Variants in ADAMTS12 observed in about 807,000 individuals in gnomAD.
The protein encoded by ADAMTS12 is A disintegrin and metalloproteinase with thrombospondin motifs 12.
ADAMTS12 carries 118 observed loss-of-function variants against 167.8 expected under a neutral mutation model. That is an observed-to-expected ratio of 0.70 (90% CI 0.61 to 0.82). The LOEUF (loss-of-function observed/expected upper bound fraction) is 0.82. Among genes scored for constraint, ADAMTS12 ranks in the 40% least tolerant of loss-of-function variants. The probability of loss-of-function intolerance (pLI) is 0.00; values close to 1 mark genes in which losing one functional copy is unlikely to be tolerated. For synonymous variants in ADAMTS12, 704 were observed against 716.9 expected, an observed-to-expected ratio of 0.98 and a Z score of 0.29; for missense variants, 1,916 against 1,998.8, an observed-to-expected ratio of 0.96 and a Z score of 0.79.
At chr5:33,583,844 C>T (rs187694828) in intron 18 of ADAMTS12, among the ~76,000 whole-genome samples, 26 of 152,096 alleles carry the variant, frequency 1.7e-4, no homozygotes, top group African/African-American at 3.1e-4. Context: ...TTTTTTCCTG[C>T]GCTTTTGAAG....
At chr5:33,824,137 A>T (rs1747971092) in intron 2 of ADAMTS12, among the ~76,000 whole-genome samples, 1 of 152,200 alleles carries the variant, frequency 6.6e-6, no homozygotes, top group Non-Finnish European at 1.5e-5. Context: ...ATAATAATAG[A>T]TCATAACAAG....
At chr5:33,791,192 T>C (rs1746554344) in intron 2 of ADAMTS12, among the ~76,000 whole-genome samples, 1 of 152,162 alleles carries the variant, frequency 6.6e-6, no homozygotes, top group Admixed American at 6.5e-5. Flanking sequence ...AAGAATTAGA[T>C]GTCTGGTAGT....
At chr5:33,649,720 A>T in intron 7 of ADAMTS12, 23 bp from the exon 8 acceptor site, 1 of 1,611,736 alleles carries the variant, frequency 6.2e-7, no homozygotes, top group Non-Finnish European at 8.5e-7. Context: ...AACCAAGCAC[A>T]AGAAGAGCCA....
intron 2 of ADAMTS12, among the ~76,000 whole-genome samples, chr5:33,876,099 T>C (rs1023886739): frequency 1.7e-4 from 26 of 152,106 alleles, no homozygotes; most frequent in Admixed American, 1.5e-3. Context: ...AAAACACATA[T>C]AGAGCTAGGA....
intron 20 of ADAMTS12, among the ~76,000 whole-genome samples, chr5:33,559,933 A>C (rs547447327): frequency 1.3e-5 from 2 of 152,318 alleles, no homozygotes; most frequent in East Asian, 3.9e-4. Context: ...GTACGCTTTT[A>C]AAGAACAAAT....
Position 33,526,967 on chromosome 5 carries a change from GCTATTT to G in ADAMTS12, c.*215_*220del. The G allele has an allele frequency of 1.8e-6, 1 of 540,814 alleles. No homozygotes were observed. The highest frequency in any genetic ancestry group is 2.7e-5 in the South Asian group (1 of 37,490). 33.5% of individuals were successfully genotyped at this position (540,814 alleles called of 1,614,324 possible). A position where few individuals can be genotyped will look rare whatever the true frequency, so the allele number is the denominator to read the frequency against. On this transcript the variant is annotated 3_prime_UTR_variant, in exon 24 of 24. Coordinates refer to ENST00000504830, the MANE Select transcript of ADAMTS12 (RefSeq NM_030955.4). The stretch of plus-strand genomic sequence containing the variant: ...TACCAGGTGCTGCCTGATTCTCCTA[GCTATTT>G]CACCTTCCTATCAGGGAGCAGCAAG...
Position 33,724,664 on chromosome 5 carries a change from G to A in ADAMTS12, c.634+26740C>T, listed in dbSNP as rs545016070. Among the ~76,000 whole-genome samples the A allele has an allele frequency of 7.3e-5, 11 of 151,536 alleles. No homozygotes were observed. The South Asian group carries it at 2.1e-3, about 29-fold the overall frequency. ...CCTCCCGGGTTCACGCCATTCTCCT[G>A]TCTCAGCCTCTTGAGTAGCTGGGAT... On this transcript the variant is annotated intron_variant, in intron 3 of 23. Transcript: ENST00000504830.
At chr5:33,781,468 G>A (rs941553577) in intron 2 of ADAMTS12, among the ~76,000 whole-genome samples, 2 of 152,106 alleles carry the variant, frequency 1.3e-5, no homozygotes, top group Non-Finnish European at 2.9e-5. Flanking sequence ...CCTTGAGGAT[G>A]GCCATGTGAC....
At chr5:33,763,926 C>G (rs1745441353) in intron 2 of ADAMTS12, among the ~76,000 whole-genome samples, 1 of 152,098 alleles carries the variant, frequency 6.6e-6, no homozygotes. Flanking sequence ...ATGGCTGAGT[C>G]TCAGACTTTT....
At chr5:33,539,164 A>T (rs1327954597) in intron 22 of ADAMTS12, among the ~76,000 whole-genome samples, 1 of 151,498 alleles carries the variant, frequency 6.6e-6, no homozygotes. Flanking sequence ...CTGGTCTTGA[A>T]CTCCTGACCT....
chr5:33,826,761 C>G (rs2548029), intron 2 of ADAMTS12, among the ~76,000 whole-genome samples: 60,681 of 151,724 alleles, frequency 0.4, 12,428 homozygotes, highest in Non-Finnish European at 0.46. Context: ...AAACAATAAG[C>G]ACTAAAACAA....
intron 3 of ADAMTS12, among the ~76,000 whole-genome samples, chr5:33,688,988 A>G (rs1463543687): frequency 1.3e-5 from 2 of 152,086 alleles, no homozygotes; most frequent in African/African-American, 4.8e-5. Flanking sequence ...TCCAGCCTAC[A>G]CTGCAGCTTC....
chr5:33,537,673 C>T (rs537134068), intron 22 of ADAMTS12, among the ~76,000 whole-genome samples: 1 of 152,320 alleles, frequency 6.6e-6, no homozygotes, highest in East Asian at 1.9e-4. Context: ...TTGTATCCTT[C>T]TACACAGCTA....
At chr5:33,558,539 A>G (rs1745587565) in intron 20 of ADAMTS12, among the ~76,000 whole-genome samples, 1 of 152,162 alleles carries the variant, frequency 6.6e-6, no homozygotes, top group Non-Finnish European at 1.5e-5. Flanking sequence ...GAGAGACCCT[A>G]TAGGCCAGGC....
At chr5:33,797,297 G>C (rs1355164717) in intron 2 of ADAMTS12, among the ~76,000 whole-genome samples, 1 of 152,100 alleles carries the variant, frequency 6.6e-6, no homozygotes, top group East Asian at 1.9e-4. Context: ...CCTATAAAAT[G>C]GGAGGATATG....
At chr5:33,887,209 A>G (rs1196283916) in intron 1 of ADAMTS12, among the ~76,000 whole-genome samples, 1 of 152,232 alleles carries the variant, frequency 6.6e-6, no homozygotes, top group Non-Finnish European at 1.5e-5. Context: ...TCTATGGTCA[A>G]GTACTACATT....
intron 3 of ADAMTS12, among the ~76,000 whole-genome samples, chr5:33,730,887 C>A (rs543136732): frequency 1.3e-5 from 2 of 152,306 alleles, no homozygotes; most frequent in Non-Finnish European, 2.9e-5. Context: ...GAAATCTGTA[C>A]CTTGGCAGAG....
chr5:33,591,816 T>G (rs1579715802), intron 17 of ADAMTS12, among the ~76,000 whole-genome samples: 1 of 152,110 alleles, frequency 6.6e-6, no homozygotes, highest in East Asian at 1.9e-4. Flanking sequence ...CACAAATCAG[T>G]GGTGACAGGG....
intron 20 of ADAMTS12, among the ~76,000 whole-genome samples, chr5:33,559,692 C>T (rs924665016): frequency 5.3e-5 from 8 of 152,102 alleles, no homozygotes; most frequent in African/African-American, 1.9e-4. Flanking sequence ...ACCAGCCTGG[C>T]CAACATGGTG....
Sources: allele counts gnomAD v4.1 joint callset (sites outside exome capture counted in the v4.1 genomes callset), GRCh38; gene constraint gnomAD v4.1.1; transcripts MANE v1.5; gene names NCBI Gene and HGNC (gene_info 2026-07-23, HGNC 2026-07-21).